MKLN1: variants seen among roughly 807,000 people sequenced by gnomAD.
MKLN1 encodes muskelin.
A neutral mutation model predicts 99.0 loss-of-function variants in MKLN1; 18 were observed. The ratio of observed to expected loss-of-function variants is 0.18; its 90% CI spans 0.13 to 0.27. The LOEUF (loss-of-function observed/expected upper bound fraction) is 0.27. Among genes scored for constraint, MKLN1 ranks in the 10% least tolerant of loss-of-function variants. The pLI is 1.00. For missense variants in MKLN1, 621 were observed against 875.9 expected (o/e 0.71, Z 3.67); for synonymous variants, 288 against 293.2 (o/e 0.98, Z 0.18).
chr7:131,464,930 A>C (rs1023168768), intron 14 of MKLN1, among the ~76,000 whole-genome samples: 1 of 152,196 alleles, frequency 6.6e-6, no homozygotes, highest in Admixed American at 6.5e-5. Flanking sequence ...TCTTAAACTT[A>C]ACCATGTACT....
chr7:131,110,675 G>T (rs1003830068), intron 1 of MKLN1, among the ~76,000 whole-genome samples: 6 of 152,130 alleles, frequency 3.9e-5, no homozygotes, highest in Admixed American at 1.3e-4. Context: ...AACAGCCTCT[G>T]GTGCAACAAA....
intron 8 of MKLN1, among the ~76,000 whole-genome samples, chr7:131,419,224 A>ATATG (rs1795116729): frequency 7.1e-6 from 1 of 140,026 alleles, no homozygotes; most frequent in African/African-American, 2.6e-5. Context: ...TTACATATAT[A>ATATG]TATGTATATA....
At chr7:131,263,575 CTTT>C (rs71174935) in intron 3 of MKLN1, among the ~76,000 whole-genome samples, 1 of 142,610 alleles carries the variant, frequency 7.0e-6, no homozygotes. Context: ...GATGATTGCA[CTTT>C]TTTTTTTTTT....
intron 2 of MKLN1, among the ~76,000 whole-genome samples, chr7:131,156,537 G>C (rs6467358): frequency 0.46 from 70,210 of 151,020 alleles, 17,557 homozygotes; most frequent in Non-Finnish European, 0.57. Flanking sequence ...TCCTGGGCTA[G>C]CGATGTGCAG....
intron 1 of MKLN1, among the ~76,000 whole-genome samples, chr7:131,345,926 A>G (rs1467612535): frequency 6.6e-6 from 1 of 152,234 alleles, no homozygotes; most frequent in African/African-American, 2.4e-5. Flanking sequence ...AATTGATAAT[A>G]ACATCCAGAA....
At chr7:131,231,442 G>A (rs902593459) in intron 3 of MKLN1, among the ~76,000 whole-genome samples, 7 of 152,120 alleles carry the variant, frequency 4.6e-5, no homozygotes, top group East Asian at 1.9e-4. Flanking sequence ...TCCAGGTGAC[G>A]TAAGGGCTTC....
At chr7:131,297,384 G>A (rs1011824973) in intron 3 of MKLN1, among the ~76,000 whole-genome samples, 2 of 143,652 alleles carry the variant, frequency 1.4e-5, no homozygotes, top group South Asian at 2.2e-4. Flanking sequence ...ATATATATAT[G>A]TGTGTGTGTA....
At chr7:131,360,837 A>G (rs1291646493) in intron 1 of MKLN1, among the ~76,000 whole-genome samples, 2 of 152,166 alleles carry the variant, frequency 1.3e-5, no homozygotes, top group East Asian at 3.8e-4. Context: ...GTCTACTGGT[A>G]ACAAATTCCT....
At chr7:131,315,694 A>G (rs1584593016) in intron 3 of MKLN1, among the ~76,000 whole-genome samples, 2 of 152,286 alleles carry the variant, frequency 1.3e-5, no homozygotes, top group African/African-American at 4.8e-5. Context: ...TCAACCTGGG[A>G]CAATTGAGCT....
intron 2 of MKLN1, among the ~76,000 whole-genome samples, chr7:131,170,408 A>AT (rs887661646): frequency 1.8e-4 from 28 of 152,308 alleles, no homozygotes; most frequent in African/African-American, 6.0e-4. Context: ...AGAAAATAAC[A>AT]TTTTTTGAAG....
chr7:131,249,066 C>A (rs1797538728), intron 3 of MKLN1, among the ~76,000 whole-genome samples: 4 of 152,188 alleles, frequency 2.6e-5, no homozygotes, highest in Non-Finnish European at 1.5e-5. Flanking sequence ...GATTCCAAAT[C>A]TTGGACTCCA....
chr7:131,204,742 G>A (rs1796780852), intron 3 of MKLN1, among the ~76,000 whole-genome samples: 1 of 152,118 alleles, frequency 6.6e-6, no homozygotes, highest in Non-Finnish European at 1.5e-5. Context: ...AAGGCAGGCC[G>A]ATCACAAGGT....
At chr7:131,157,393 G>A (rs767906866) in intron 2 of MKLN1, among the ~76,000 whole-genome samples, 8 of 152,072 alleles carry the variant, frequency 5.3e-5, no homozygotes, top group Non-Finnish European at 8.8e-5. Flanking sequence ...GAGAGACACT[G>A]TCTTAAAAAT....
chr7:131,336,790 G>T (rs899797025), intron 1 of MKLN1, among the ~76,000 whole-genome samples: 1 of 152,074 alleles, frequency 6.6e-6, no homozygotes, highest in East Asian at 1.9e-4. Flanking sequence ...TAAATCCAGA[G>T]ACTGTTGTTT....
intron 2 of MKLN1, among the ~76,000 whole-genome samples, chr7:131,169,956 G>C (rs551233833): frequency 6.6e-6 from 1 of 152,276 alleles, no homozygotes; most frequent in South Asian, 2.1e-4. Context: ...TAGGCATGGT[G>C]GTTGACACCT....
chr7:131,427,730 A>G (rs1795398979), intron 8 of MKLN1, among the ~76,000 whole-genome samples: 1 of 151,866 alleles, frequency 6.6e-6, no homozygotes, highest in South Asian at 2.1e-4. Context: ...ATTTTTTTGT[A>G]TTTTTAGTAG....
intron 3 of MKLN1, among the ~76,000 whole-genome samples, chr7:131,258,997 G>A (rs977393332): frequency 6.6e-6 from 1 of 152,144 alleles, no homozygotes; most frequent in African/African-American, 2.4e-5. Flanking sequence ...GAGAATGTGA[G>A]GGTAACAGGG....
chr7:131,238,757 A>T (rs1461542617), intron 3 of MKLN1, among the ~76,000 whole-genome samples: 1 of 152,206 alleles, frequency 6.6e-6, no homozygotes, highest in Non-Finnish European at 1.5e-5. Context: ...TAATTCAAGG[A>T]ACTAGGCCAC....
intron 4 of MKLN1, among the ~76,000 whole-genome samples, chr7:131,394,119 CTA>C (rs1377672948): frequency 6.6e-6 from 1 of 151,766 alleles, no homozygotes; most frequent in Non-Finnish European, 1.5e-5. Flanking sequence ...TAAAGAAACA[CTA>C]AAACAATAAA....
Sources: allele counts gnomAD v4.1 joint callset (sites outside exome capture counted in the v4.1 genomes callset), GRCh38; gene constraint gnomAD v4.1.1; transcripts MANE v1.5; gene names NCBI Gene and HGNC (gene_info 2026-07-23, HGNC 2026-07-21).